The following PNPT1 variants were observed in gnomAD, a reference collection of about 807,000 sequenced individuals.
PNPT1 encodes the protein polyribonucleotide nucleotidyltransferase 1, also known as polyribonucleotide nucleotidyltransferase 1, mitochondrial.
A neutral mutation model predicts 119.5 loss-of-function variants in PNPT1; 53 were observed. The ratio of observed to expected loss-of-function variants is 0.44; its 90% CI spans 0.36 to 0.56. The LOEUF is 0.56. PNPT1 is among the 20% of genes least tolerant of loss of function. The pLI, the probability that PNPT1 is intolerant of heterozygous loss-of-function variation, is 0.00. For missense variants in PNPT1, 948 were observed against 938.5 expected (o/e 1.01, Z -0.13); for synonymous variants, 357 against 322.1 (o/e 1.11, Z -1.16).
rs1460218764 is a variant in PNPT1, at chr2:55,687,564, T to C, written c.222+81A>G. On this transcript the variant is annotated intron_variant, in intron 2 of 27. Coordinates refer to ENST00000447944, the MANE Select transcript of PNPT1 (RefSeq NM_033109.5). ...TTCCAGTACCAAAATTCTAAGTAGTTACACGATGTTGTAGTTACACATTTA... is the reference window on the plus strand; with the variant it reads ...TTCCAGTACCAAAATTCTAAGTAGTCACACGATGTTGTAGTTACACATTTA... 3.0e-6 allele frequency: 3 copies of C among 990,524 alleles called. No homozygotes were observed. The East Asian group carries it at 8.0e-5, about 26-fold the overall frequency. The allele number at this position is 990,524 out of a possible 1,614,324, so 61.4% of individuals were successfully genotyped here.
chr2:55,640,774 A>G, intron 25 of PNPT1, 69 bp from the exon 26 acceptor site: 7 of 1,064,152 alleles, frequency 6.6e-6, no homozygotes, highest in Non-Finnish European at 9.7e-6. Context: ...CAAATAAAAC[A>G]TTGTTTTCAT....
At chr2:55,671,468 T>TAA in intron 10 of PNPT1, 92 bp from the exon 11 acceptor site, 3 of 687,654 alleles carry the variant, frequency 4.4e-6, no homozygotes, top group Non-Finnish European at 6.9e-6. Flanking sequence ...ACATTGTGAA[T>TAA]TACTCTGATT....
intron 8 of PNPT1, among the ~76,000 whole-genome samples, chr2:55,674,961 T>A (rs1323527637): frequency 1.3e-5 from 2 of 152,208 alleles, no homozygotes; most frequent in Non-Finnish European, 2.9e-5. Flanking sequence ...ATAAATTGCT[T>A]TTAAAAATAA....
In PNPT1 at chr2:55,683,840, A is replaced by G. The variant is rs1338934807; in HGVS notation, c.404-6T>C. The G allele has an allele frequency of 1.9e-6, 3 of 1,613,558 alleles. No homozygotes were observed. The highest frequency in any genetic ancestry group is 2.5e-6 in the Non-Finnish European group (3 of 1,179,568). On this transcript the variant is annotated splice_polypyrimidine_tract_variant and splice_region_variant and intron_variant, in intron 4 of 27. Coordinates refer to ENST00000447944, the MANE Select transcript of PNPT1 (RefSeq NM_033109.5). ...GAGCGGTCTAATTGAACGATCTGCC[A>G]AAAGAAAAAAAAACACATTAAACCG...
At chr2:55,646,717 G>A (rs779902702) in intron 19 of PNPT1, among the ~76,000 whole-genome samples, 36 of 152,020 alleles carry the variant, frequency 2.4e-4, no homozygotes, top group Non-Finnish European at 5.1e-4. Flanking sequence ...CCTCATAAAT[G>A]CCTGAGAATG....
intron 27 of PNPT1, among the ~76,000 whole-genome samples, chr2:55,637,071 C>G (rs1293122620): frequency 6.6e-6 from 1 of 152,208 alleles, no homozygotes; most frequent in Non-Finnish European, 1.5e-5. Context: ...AAAAAACAGA[C>G]TGGCAATGAC....
intron 5 of PNPT1, 33 bp from the exon 6 acceptor site, chr2:55,680,951 G>T (rs771509711): frequency 2.5e-6 from 4 of 1,571,700 alleles, no homozygotes; most frequent in Non-Finnish European, 3.5e-6. Flanking sequence ...ATTTGGAAGG[G>T]TTATCATTTA....
chr2:55,664,064 T>G (rs1382472040), intron 13 of PNPT1, among the ~76,000 whole-genome samples: 1 of 152,212 alleles, frequency 6.6e-6, no homozygotes, highest in Non-Finnish European at 1.5e-5. Context: ...GATCCATACT[T>G]GGATCTTCAG....
rs1462071281 is a variant in PNPT1 at position 55,634,294 on chromosome 2, C to T, written c.*1943G>A. The T allele has an allele frequency of 1.3e-5, 2 of 148,668 alleles. No homozygotes were observed. Among genetic ancestry groups the T allele is most frequent in the Non-Finnish European group, 3.0e-5 (2 of 67,682 alleles). 9.2% of individuals were successfully genotyped at this position (148,668 alleles called of 1,614,324 possible). On this transcript the variant is annotated 3_prime_UTR_variant, in exon 28 of 28. Transcript: ENST00000447944. ...TTTTTTTTCTGGAGACGGAGTCTTG[C>T]TCTGTCGCCCAGGCTGGAGTGCAAT...
intron 2 of PNPT1, 26 bp downstream of exon 2, chr2:55,687,619 G>T: frequency 6.5e-7 from 1 of 1,532,650 alleles, no homozygotes; most frequent in Non-Finnish European, 8.8e-7. Flanking sequence ...TTTTTAAGAT[G>T]AATTTTAAAA....
intron 27 of PNPT1, 30 bp from the exon 28 acceptor site, chr2:55,636,422 A>C: frequency 6.2e-7 from 1 of 1,608,396 alleles, no homozygotes; most frequent in South Asian, 1.1e-5. Flanking sequence ...CTTCCTTTAA[A>C]GTTACAGCAC....
intron 26 of PNPT1, among the ~76,000 whole-genome samples, chr2:55,638,694 G>A (rs913690477): frequency 6.6e-6 from 1 of 152,030 alleles, no homozygotes; most frequent in African/African-American, 2.4e-5. Context: ...ATTCCAATGA[G>A]TATCCCTTCA....
intron 25 of PNPT1, among the ~76,000 whole-genome samples, chr2:55,642,749 G>A (rs1487301919): frequency 6.6e-6 from 1 of 151,902 alleles, no homozygotes; most frequent in East Asian, 1.9e-4. Context: ...ATGGCAATTG[G>A]CATGTAATCT....
chr2:55,670,727 G>C (rs1328208421), intron 11 of PNPT1, among the ~76,000 whole-genome samples: 1 of 152,080 alleles, frequency 6.6e-6, no homozygotes, highest in African/African-American at 2.4e-5. Context: ...GAATATATTT[G>C]GGTTTTCAAA....
rs752204136 is a variant in PNPT1 at position 55,656,330 on chromosome 2, A to G, written c.1326T>C (p.Gly442=). The change falls in exon 16 of 28, where the codon GGT becomes GGC. Residue 442 remains glycine, a synonymous_variant. Transcript: ENST00000447944. ...YATNEIGKVT[G]LNRRELGHGA... is the part of the protein sequence containing the mutation. The stretch of plus-strand genomic sequence containing the variant: ...CATGCCCAAGTTCTCTTCTATTTAA[A>G]CCAGTGACTTTGCCAATTTCATTAG... 7.4e-6 allele frequency: 12 copies of G among 1,611,100 alleles called. No individual in the cohort carries two copies. Among genetic ancestry groups the G allele is most frequent in the Non-Finnish European group, 9.3e-6 (11 of 1,179,144 alleles).
intron 22 of PNPT1, 40 bp from the exon 23 acceptor site, chr2:55,644,760 A>G (rs1695933613): frequency 1.8e-5 from 26 of 1,441,516 alleles, no homozygotes; most frequent in Non-Finnish European, 2.4e-5. Context: ...CAATTCAACT[A>G]CATACATGAA....
chr2:55,680,657 A>C, intron 7 of PNPT1, 55 bp downstream of exon 7: 1 of 1,503,468 alleles, frequency 6.7e-7, no homozygotes, highest in Non-Finnish European at 9.1e-7. Context: ...GGTCACTACT[A>C]CTTACTGAAA....
chr2:55,679,855 A>T, intron 7 of PNPT1, 60 bp from the exon 8 acceptor site: 1 of 1,157,834 alleles, frequency 8.6e-7, no homozygotes, highest in Non-Finnish European at 1.3e-6. Context: ...TCAAGACATT[A>T]TTCCAGTCAT....
chr2:55,687,242 C>A (rs1332724333), intron 2 of PNPT1, among the ~76,000 whole-genome samples: 1 of 144,714 alleles, frequency 6.9e-6, no homozygotes, highest in African/African-American at 2.6e-5. Context: ...GAGATCGAGA[C>A]CATCCTGGCC....
Sources: allele counts gnomAD v4.1 joint callset (sites outside exome capture counted in the v4.1 genomes callset), GRCh38; gene constraint gnomAD v4.1.1; transcripts MANE v1.5; gene names NCBI Gene and HGNC (gene_info 2026-07-23, HGNC 2026-07-21).